FGD4: variants seen among roughly 807,000 people sequenced by gnomAD.
The protein encoded by FGD4 is FYVE, RhoGEF and PH domain containing 4.
In FGD4, 42 loss-of-function variants were observed where a neutral mutation model predicts 102.0. The ratio of observed to expected loss-of-function variants is 0.41; its 90% confidence interval spans 0.32 to 0.53. FGD4 has a LOEUF of 0.53. Among genes scored for constraint, FGD4 ranks in the 20% least tolerant of loss-of-function variants. The probability of loss-of-function intolerance (pLI) is 0.21; values close to 1 mark genes in which losing one functional copy is unlikely to be tolerated. For missense variants in FGD4, 902 were observed against 1,078.2 expected (o/e 0.84, Z 2.29); for synonymous variants, 380 against 375.7 (o/e 1.01, Z -0.13).
chr12:32,465,340 A>G (rs1943222716), intron 1 of FGD4, among the ~76,000 whole-genome samples: 1 of 151,944 alleles, frequency 6.6e-6, no homozygotes, highest in South Asian at 2.1e-4. Context: ...CCTCACCTTT[A>G]ACAGCCACCA....
intron 1 of FGD4, among the ~76,000 whole-genome samples, chr12:32,401,997 G>A (rs1341600009): frequency 6.7e-6 from 1 of 149,302 alleles, no homozygotes; most frequent in Non-Finnish European, 1.5e-5. Flanking sequence ...CCGCCTCCCG[G>A]GTTCACGCCA....
At chr12:32,440,602 C>T (rs1378257511) in intron 1 of FGD4, among the ~76,000 whole-genome samples, 2 of 152,206 alleles carry the variant, frequency 1.3e-5, no homozygotes, top group African/African-American at 4.8e-5. Context: ...ACCACTATGA[C>T]TACACGGCGT....
At chr12:32,532,713 G>T (rs1941915816) in intron 1 of FGD4, among the ~76,000 whole-genome samples, 1 of 152,084 alleles carries the variant, frequency 6.6e-6, no homozygotes, top group Non-Finnish European at 1.5e-5. Context: ...ACTGAAATTT[G>T]CTAAGGCTAA....
At chr12:32,480,561 C>G (rs1211619685) in intron 1 of FGD4, among the ~76,000 whole-genome samples, 2 of 151,642 alleles carry the variant, frequency 1.3e-5, no homozygotes, top group African/African-American at 4.9e-5. Flanking sequence ...AGTGCAGTGG[C>G]GCAATCTCAG....
chr12:32,545,949 A>C (rs951664526), intron 1 of FGD4, among the ~76,000 whole-genome samples: 1 of 152,210 alleles, frequency 6.6e-6, no homozygotes, highest in Non-Finnish European at 1.5e-5. Flanking sequence ...GGGCATTCAT[A>C]ATTATTTTAA....
intron 1 of FGD4, among the ~76,000 whole-genome samples, chr12:32,435,153 G>A (rs575153460): frequency 8.4e-4 from 128 of 152,276 alleles, no homozygotes; most frequent in African/African-American, 3.0e-3. Context: ...ATGTTTGTCA[G>A]GCTGGTCTCG....
chr12:32,514,535 AG>A (rs1939700513), intron 1 of FGD4, among the ~76,000 whole-genome samples: 1 of 152,004 alleles, frequency 6.6e-6, no homozygotes, highest in Admixed American at 6.6e-5. Context: ...GTTTTGAGAC[AG>A]GGTCTCACTC....
chr12:32,410,282 T>C (rs1793709557), intron 1 of FGD4, among the ~76,000 whole-genome samples: 1 of 151,560 alleles, frequency 6.6e-6, no homozygotes, highest in Non-Finnish European at 1.5e-5. Flanking sequence ...GAGCCGAGAT[T>C]GTGCCACTGC....
At chr12:32,585,222 T>TTATTTATATATATATATATATATATA (rs960851781) in intron 4 of FGD4, among the ~76,000 whole-genome samples, 2 of 116,136 alleles carry the variant, frequency 1.7e-5, no homozygotes, top group African/African-American at 6.1e-5. Context: ...CTCAAAAATT[T>TTATTTATATATATATATATATATATA]TATATATATA....
intron 8 of FGD4, 101 bp from the exon 9 acceptor site, chr12:32,610,675 A>G: frequency 9.6e-7 from 1 of 1,036,588 alleles, no homozygotes; most frequent in Non-Finnish European, 1.5e-6. Flanking sequence ...TTTTTGTTGT[A>G]TCTTTGGTCT....
rs766829554 is a variant in FGD4, at chr12:32,576,386, C to G, written c.440C>G (p.Ser147Cys). ...GAGGAAATTAAACCTGCCTCTGCTT[C>G]TTGTGTCTCAAAAGAAAAACCCAGT... ...RMEEIKPASA[S>C]CVSKEKPSKV... Residue 147 changes from serine (S) to cysteine (C), a missense_variant, in exon 3 of 17, where the codon TCT (serine) becomes TGT (cysteine). Ser to Cys is a moderately radical substitution (Grantham distance 112). Transcript: ENST00000534526. 1.2e-6 allele frequency: 2 copies of G among 1,614,136 alleles called. No homozygotes were observed. Among genetic ancestry groups the G allele is most frequent in the Admixed American group, 3.3e-5 (2 of 60,012 alleles).
chr12:32,496,627 T>G (rs1188471248), intron 1 of FGD4, among the ~76,000 whole-genome samples: 4 of 152,222 alleles, frequency 2.6e-5, no homozygotes, highest in Non-Finnish European at 5.9e-5. Flanking sequence ...CACACGTATT[T>G]TAGATTTGTT....
At chr12:32,636,598 G>A (rs541055971) in intron 15 of FGD4, among the ~76,000 whole-genome samples, 61 of 151,150 alleles carry the variant, frequency 4.0e-4, no homozygotes, top group Non-Finnish European at 6.5e-4. Flanking sequence ...TCACAGATCA[G>A]TGTTTTTGTA....
chr12:32,469,095 G>A (rs1478403120), intron 1 of FGD4, among the ~76,000 whole-genome samples: 1 of 151,922 alleles, frequency 6.6e-6, no homozygotes, highest in East Asian at 1.9e-4. Flanking sequence ...CAAAATGCTG[G>A]GGTTATAGGC....
chr12:32,524,848 G>T (rs999148757), intron 1 of FGD4, among the ~76,000 whole-genome samples: 1 of 151,784 alleles, frequency 6.6e-6, no homozygotes, highest in African/African-American at 2.4e-5. Flanking sequence ...TGAGCACAGA[G>T]ATTACAGAAG....
At chr12:32,406,100 C>T (rs955866627) in intron 1 of FGD4, among the ~76,000 whole-genome samples, 2 of 151,958 alleles carry the variant, frequency 1.3e-5, no homozygotes, top group African/African-American at 4.8e-5. Context: ...TGTGCCACCA[C>T]GCCTGGCTAA....
In FGD4 at chr12:32,604,862, GGTT is replaced by G. The variant is rs1018441598; in HGVS notation, c.1404+2550_1404+2552del. 4.7e-4 allele frequency among the ~76,000 whole-genome samples: 71 copies of G among 151,712 alleles called. No individual in the cohort carries two copies. The Middle Eastern group carries it at 0.017, about 37-fold the overall frequency. ...ATTTTTAAAGTGTAAACAGATTTCA[GGTT>G]GTTGCATGCCTTTTAATCAATTTCT... On this transcript the variant is annotated intron_variant, in intron 7 of 16. Transcript: ENST00000534526.
intron 1 of FGD4, among the ~76,000 whole-genome samples, chr12:32,527,127 G>T (rs958050927): frequency 4.6e-5 from 7 of 152,088 alleles, no homozygotes; most frequent in Non-Finnish European, 7.4e-5. Flanking sequence ...TCCATATCTG[G>T]TAGTCTATCC....
chr12:32,575,166 A>G (rs1424593395), intron 2 of FGD4, among the ~76,000 whole-genome samples: 2 of 152,214 alleles, frequency 1.3e-5, no homozygotes, highest in East Asian at 3.9e-4. Context: ...TTTGTGGTAT[A>G]TTGATGCAGG....
Sources: gnomAD v4.1 joint callset for allele counts (sites outside exome capture counted in the v4.1 genomes callset) on GRCh38, gnomAD v4.1.1 for gene constraint, MANE v1.5 for transcripts, NCBI Gene and HGNC (gene_info 2026-07-23, HGNC 2026-07-21) for gene names.